SNRPA: variants seen among roughly 807,000 people sequenced by gnomAD.
SNRPA encodes the protein small nuclear ribonucleoprotein polypeptide A.
In SNRPA, 10 loss-of-function variants were observed where a neutral mutation model predicts 24.5. The ratio of observed to expected loss-of-function variants is 0.41; its 90% CI spans 0.25 to 0.69. SNRPA has a LOEUF of 0.69. SNRPA is among the 30% of genes least tolerant of loss of function. SNRPA has a pLI of 0.33. For synonymous variants in SNRPA, 165 were observed against 148.4 expected (o/e 1.11, Z -0.81); for missense variants, 283 against 394.7 (o/e 0.72, Z 2.40).
chr19:40,762,057 C>G (rs2082935235), intron 3 of SNRPA, among the ~76,000 whole-genome samples: 1 of 152,094 alleles, frequency 6.6e-6, no homozygotes, highest in Non-Finnish European at 1.5e-5. Context: ...CCTCTCTCCT[C>G]TTCCCTGCAC....
intron 5 of SNRPA, 64 bp from the exon 6 acceptor site, chr19:40,764,944 T>C: frequency 6.9e-7 from 1 of 1,446,378 alleles, no homozygotes; most frequent in Non-Finnish European, 9.2e-7. Flanking sequence ...CTGGCCTCTG[T>C]CCACTTGATG....
At chr19:40,753,837 C>T (rs1179473288) in intron 1 of SNRPA, among the ~76,000 whole-genome samples, 1 of 151,970 alleles carries the variant, frequency 6.6e-6, no homozygotes, top group Admixed American at 6.6e-5. Context: ...TCCTCTGTCG[C>T]CCAGGCTGGA....
At chr19:40,759,353 G>A in intron 2 of SNRPA, 78 bp from the exon 3 acceptor site, 12 of 1,425,042 alleles carry the variant, frequency 8.4e-6, no homozygotes, top group Non-Finnish European at 1.1e-5. Flanking sequence ...CCTGGCCCCT[G>A]ATAAAGGTCC....
rs1387887876 is a variant in SNRPA, at chr19:40,759,531, A to C, written c.347A>C (p.Gln116Pro). The change falls in exon 3 of 6, where the codon CAG becomes CCG. Residue 116 changes from glutamine to proline, a missense_variant. Physicochemically the swap from Gln to Pro is moderately conservative, Grantham distance 76. Around this residue, in one of 6 missense-constraint regions of SNRPA, gnomAD observed 167 missense variants for 174.3 expected, o/e 0.96. Coordinates refer to ENST00000243563, the MANE Select transcript of SNRPA (RefSeq NM_004596.5). ...CGGGAGAAGAGGAAGCCCAAGAGCCAGGAGACCCCGGCCACCAAGAAGGCT... is the reference window on the plus strand; with the variant it reads ...CGGGAGAAGAGGAAGCCCAAGAGCCCGGAGACCCCGGCCACCAAGAAGGCT... ...RKREKRKPKS[Q>P]ETPATKKAVQ... 4 of 1,614,028 alleles carry C rather than the reference A, an allele frequency of 2.5e-6. No homozygotes were observed. The highest frequency in any genetic ancestry group is 3.4e-6 in the Non-Finnish European group (4 of 1,179,982).
intron 1 of SNRPA, among the ~76,000 whole-genome samples, chr19:40,752,914 C>A (rs1358783339): frequency 6.6e-6 from 1 of 152,106 alleles, no homozygotes; most frequent in Non-Finnish European, 1.5e-5. Context: ...ATTAGCTAAA[C>A]CTTGCAGTAT....
intron 1 of SNRPA, among the ~76,000 whole-genome samples, chr19:40,755,257 CTTTTTTTTTTT>C (rs1004235207): frequency 1.2e-4 from 10 of 82,584 alleles, no homozygotes; most frequent in East Asian, 3.0e-4. Flanking sequence ...TTTTTCTTTT[CTTTTTTTTTTT>C]TTTTTTTTTT....
chr19:40,753,384 G>GTTTTTTT (rs746525368), intron 1 of SNRPA, among the ~76,000 whole-genome samples: 1,719 of 38,336 alleles, frequency 0.045, 247 homozygotes, highest in Middle Eastern at 0.071. Context: ...TTTTGCATAT[G>GTTTTTTT]TTTTTTTTTT....
Position 40,751,482 on chromosome 19 carries a change from G to T in SNRPA, c.73+1G>T, listed in dbSNP as rs751345173. The T allele has an allele frequency of 4.3e-6, 7 of 1,610,272 alleles. No homozygotes were observed. The highest frequency in any genetic ancestry group is 5.1e-6 in the Non-Finnish European group (6 of 1,176,680). The stretch of plus-strand genomic sequence containing the variant: ...CTCAATGAGAAGATCAAGAAGGATG[G>T]TGAGTTCTCGGGATAGTCCGGAGTC... On this transcript the variant is annotated splice_donor_variant, in intron 1 of 5. Coordinates refer to ENST00000243563, the MANE Select transcript of SNRPA (RefSeq NM_004596.5). LOFTEE classifies it high-confidence loss of function.
At chr19:40,754,582 A>C (rs2082900604) in intron 1 of SNRPA, among the ~76,000 whole-genome samples, 1 of 152,290 alleles carries the variant, frequency 6.6e-6, no homozygotes, top group African/African-American at 2.4e-5. Flanking sequence ...TTTATGTTAC[A>C]CTGAGGGAGA....
chr19:40,754,981 A>G (rs1292625668), intron 1 of SNRPA, among the ~76,000 whole-genome samples: 1 of 152,084 alleles, frequency 6.6e-6, no homozygotes, highest in Non-Finnish European at 1.5e-5. Context: ...AATTGCTTAA[A>G]AACAACCTTG....
intron 2 of SNRPA, among the ~76,000 whole-genome samples, chr19:40,757,974 T>A (rs960403897): frequency 1.3e-5 from 2 of 150,826 alleles, no homozygotes; most frequent in Non-Finnish European, 2.9e-5. Context: ...AATAAATAAA[T>A]AAATTATTTT....
chr19:40,758,029 C>T (rs980450480), intron 2 of SNRPA, among the ~76,000 whole-genome samples: 2 of 151,676 alleles, frequency 1.3e-5, no homozygotes, highest in African/African-American at 4.8e-5. Flanking sequence ...TGCAGTGGTG[C>T]AATCTTGGCT....
intron 3 of SNRPA, among the ~76,000 whole-genome samples, chr19:40,761,601 G>A (rs1046525397): frequency 6.6e-6 from 1 of 150,814 alleles, no homozygotes. Flanking sequence ...CGAGGATCTG[G>A]GACTACAGGC....
At chr19:40,763,554 C>T (rs779132713) in intron 4 of SNRPA, 33 bp from the exon 5 acceptor site, 10 of 1,579,592 alleles carry the variant, frequency 6.3e-6, no homozygotes, top group African/African-American at 5.4e-5. Context: ...ACTCAGGGCT[C>T]TTGTGCTCAC....
Position 40,757,504 on chromosome 19 carries a change from G to A in SNRPA, c.246G>A (p.Met82Ile), listed in dbSNP as rs1303514241. The change falls in exon 2 of 6, where the codon ATG becomes ATA. Residue 82 changes from methionine (M) to isoleucine (I), a missense_variant and splice_region_variant. Met to Ile is a conservative substitution (Grantham distance 10). This residue lies in a region of SNRPA where 12 missense variants were observed against 45.6 expected (regional missense o/e 0.26). Transcript: ENST00000243563. ...GTTTCCCTTTCTATGACAAACCTATGGTGAGCATTGCGGGTACGGAGGCTG... is the reference window on the plus strand; with the variant it reads ...GTTTCCCTTTCTATGACAAACCTATAGTGAGCATTGCGGGTACGGAGGCTG... ...MQGFPFYDKP[M>I]RIQYAKTDSD... 6.2e-7 allele frequency: 1 copy of A among 1,608,634 alleles called. No homozygotes were observed. The highest frequency in any genetic ancestry group is 8.5e-7 in the Non-Finnish European group (1 of 1,177,426).
intron 1 of SNRPA, among the ~76,000 whole-genome samples, chr19:40,755,810 C>T (rs753701398): frequency 4.6e-5 from 7 of 152,208 alleles, no homozygotes; most frequent in East Asian, 1.9e-4. Flanking sequence ...GTGGTGGTAC[C>T]GGGTTCAGAT....
In SNRPA at chr19:40,760,962, T is replaced by C. The variant is rs572124769; in HGVS notation, c.426+1352T>C. On this transcript the variant is annotated intron_variant, in intron 3 of 5. Transcript: ENST00000243563. ...TCTTTTTTGTTTTGTTTTGTTTTCTTTTGTTTTTTTTCGGGAGGGAGTCTC... is the reference window on the plus strand; with the variant it reads ...TCTTTTTTGTTTTGTTTTGTTTTCTCTTGTTTTTTTTCGGGAGGGAGTCTC... 5.5e-4 allele frequency among the ~76,000 whole-genome samples: 84 copies of C among 152,068 alleles called. 1 individual carries two copies. The highest frequency in any genetic ancestry group is 1.9e-3 in the African/African-American group (80 of 41,504).
At position 40,755,257 on chromosome 19, in the gene SNRPA, CTTTTTT is replaced by C. The variant is rs1004235207; in HGVS notation, c.74-2056_74-2051del. Among the ~76,000 whole-genome samples the C allele has an allele frequency of 2.8e-4, 23 of 82,582 alleles. No homozygotes were observed. In the East Asian group the frequency reaches 3.0e-3, roughly 11 times the overall value. 54.2% of individuals were successfully genotyped at this position (82,582 alleles called of 152,430 possible). A position where few individuals can be genotyped will look rare whatever the true frequency, so the allele number is the denominator to read the frequency against. ...ACGCCTAGCTAATTTTTTTTCTTTT[CTTTTTT>C]TTTTTTTTTTTTTTTTTTGGCATTT... On this transcript the variant is annotated intron_variant, in intron 1 of 5. Coordinates refer to ENST00000243563, the MANE Select transcript of SNRPA (RefSeq NM_004596.5).
chr19:40,753,557 T>C (rs1395120326), intron 1 of SNRPA, among the ~76,000 whole-genome samples: 4 of 145,838 alleles, frequency 2.7e-5, no homozygotes, highest in African/African-American at 5.0e-5. Flanking sequence ...CCACCACGCC[T>C]GGCTAATTTT....
Sources: allele counts gnomAD v4.1 joint callset (sites outside exome capture counted in the v4.1 genomes callset), GRCh38; gene constraint gnomAD v4.1.1; regional missense constraint gnomAD v4.1.1; transcripts MANE v1.5; gene names NCBI Gene and HGNC (gene_info 2026-07-23, HGNC 2026-07-21).